ACTR5: variants seen among roughly 807,000 people sequenced by gnomAD.
ACTR5 encodes the protein actin related protein 5.
A neutral mutation model predicts 61.2 loss-of-function variants in ACTR5; 43 were observed. That is an observed-to-expected ratio of 0.70 (90% CI 0.55 to 0.91). ACTR5 has a LOEUF of 0.91. Ranked by LOEUF, ACTR5 falls within the 40% of genes least tolerant of loss-of-function variation. The pLI, the probability that ACTR5 is intolerant of heterozygous loss-of-function variation, is 0.00. For missense variants in ACTR5, 798 were observed against 782.2 expected (o/e 1.02, Z -0.24); for synonymous variants, 333 against 310.5 (o/e 1.07, Z -0.76).
At chr20:38,764,943 A>T (rs1418269275) in intron 5 of ACTR5, among the ~76,000 whole-genome samples, 1 of 152,250 alleles carries the variant, frequency 6.6e-6, no homozygotes, top group Non-Finnish European at 1.5e-5. Flanking sequence ...GTGCAGAGGG[A>T]TTACAGGCGT....
At chr20:38,756,820 C>T (rs1276432472) in intron 5 of ACTR5, among the ~76,000 whole-genome samples, 2 of 152,256 alleles carry the variant, frequency 1.3e-5, no homozygotes, top group Non-Finnish European at 2.9e-5. Flanking sequence ...AGGAGAATCA[C>T]TTGAACCTGG....
At chr20:38,756,396 C>T (rs1296533705) in intron 5 of ACTR5, among the ~76,000 whole-genome samples, 2 of 152,202 alleles carry the variant, frequency 1.3e-5, no homozygotes, top group Non-Finnish European at 1.5e-5. Flanking sequence ...TGATTGTTCA[C>T]TTACCTCCTT....
Position 38,766,255 on chromosome 20 carries a change from A to G in ACTR5, c.1311A>G (p.Ala437=), listed in dbSNP as rs1457837780. The G allele has an allele frequency of 1.2e-6, 2 of 1,612,014 alleles. No individual in the cohort carries two copies. The highest frequency in any genetic ancestry group is 2.2e-5 in the East Asian group (1 of 44,876). Residue 437 remains alanine, a synonymous_variant, in exon 7 of 9, where the codon GCA becomes GCG. Coordinates refer to ENST00000243903, the MANE Select transcript of ACTR5 (RefSeq NM_024855.4). The part of the protein sequence containing the change: ...VTTVQPVFNL[A]AYHQLFVGTE... ...TTTTAAAGCCCGTGTTTAACTTGGCAGCATATCATCAGCTATTTGTTGGGA... is the reference window on the plus strand; with the variant it reads ...TTTTAAAGCCCGTGTTTAACTTGGCGGCATATCATCAGCTATTTGTTGGGA...
chr20:38,767,259 G>A, intron 7 of ACTR5, among the ~76,000 whole-genome samples: 1 of 151,970 alleles, frequency 6.6e-6, no homozygotes, highest in East Asian at 1.9e-4. Context: ...TGACCATTCA[G>A]ATTACGGTTT....
chr20:38,763,425 G>A (rs1272214136), intron 5 of ACTR5, among the ~76,000 whole-genome samples: 1 of 152,124 alleles, frequency 6.6e-6, no homozygotes, highest in Non-Finnish European at 1.5e-5. Context: ...GTCCCTGCTG[G>A]GACAGAGGAG....
At chr20:38,755,806 G>T (rs112636336) in intron 4 of ACTR5, 51 bp from the exon 5 acceptor site, 5 of 1,607,888 alleles carry the variant, frequency 3.1e-6, no homozygotes, top group East Asian at 2.2e-5. Context: ...CGTTTTCTCC[G>T]TTTGGCTTTG....
At chr20:38,750,770 A>T (rs2084382928) in intron 2 of ACTR5, among the ~76,000 whole-genome samples, 1 of 152,050 alleles carries the variant, frequency 6.6e-6, no homozygotes. Flanking sequence ...CTGGGACCAC[A>T]GGCACCTGCC....
chr20:38,761,593 TCTGG>T (rs2084454946), intron 5 of ACTR5: 1 of 148,430 alleles, frequency 6.7e-6, no homozygotes, highest in East Asian at 2.0e-4. Context: ...ATTCGGCTGA[TCTGG>T]CTGGCTAAGC....
chr20:38,756,976 A>G (rs1422923658), intron 5 of ACTR5, among the ~76,000 whole-genome samples: 1 of 152,222 alleles, frequency 6.6e-6, no homozygotes, highest in Non-Finnish European at 1.5e-5. Context: ...CCCAGTTAGA[A>G]TGCAGTTACA....
rs942122360 is a variant in ACTR5 at position 38,749,000 on chromosome 20, A to G, written c.375+147A>G. The G allele has an allele frequency of 7.8e-6, 8 of 1,023,818 alleles. No individual in the cohort carries two copies. The Admixed American group carries it at 1.6e-4, about 21-fold the overall frequency. 63.4% of individuals were successfully genotyped at this position (1,023,818 alleles called of 1,614,324 possible). A position where few individuals can be genotyped will look rare whatever the true frequency, so the allele number is the denominator to read the frequency against. On this transcript the variant is annotated intron_variant, in intron 1 of 8. Transcript: ENST00000243903. ...ACCAGATGCTAGGCGCTGTGGGTGTAGCAGCGAATAAAATGCTGCTCCTTG... is the reference window on the plus strand; with the variant it reads ...ACCAGATGCTAGGCGCTGTGGGTGTGGCAGCGAATAAAATGCTGCTCCTTG...
At chr20:38,757,359 CAA>C (rs1417271456) in intron 5 of ACTR5, among the ~76,000 whole-genome samples, 7 of 152,166 alleles carry the variant, frequency 4.6e-5, no homozygotes, top group African/African-American at 1.4e-4. Context: ...AGAACTGAAA[CAA>C]AGAGTAAGTG....
intron 3 of ACTR5, among the ~76,000 whole-genome samples, chr20:38,752,827 C>T (rs1353871588): frequency 6.6e-6 from 1 of 152,172 alleles, no homozygotes; most frequent in African/African-American, 2.4e-5. Flanking sequence ...ACTGTGAATA[C>T]AACTCTATTC....
At chr20:38,756,323 A>G (rs1398473303) in intron 5 of ACTR5, among the ~76,000 whole-genome samples, 1 of 152,236 alleles carries the variant, frequency 6.6e-6, no homozygotes, top group Non-Finnish European at 1.5e-5. Flanking sequence ...CTCCACTGAT[A>G]GTCATTGGCA....
intron 1 of ACTR5, among the ~76,000 whole-genome samples, chr20:38,749,090 C>G (rs999745236): frequency 6.6e-6 from 1 of 152,154 alleles, no homozygotes; most frequent in Non-Finnish European, 1.5e-5. Flanking sequence ...TTAACAAATA[C>G]GTATTGAGCA....
Position 38,766,313 on chromosome 20 carries a change from C to T in ACTR5, c.1369C>T (p.Gln457Ter). 1 of 1,614,084 alleles carries T rather than the reference C, an allele frequency of 6.2e-7. No homozygotes were observed. Among genetic ancestry groups the T allele is most frequent in the Non-Finnish European group, 8.5e-7 (1 of 1,179,988 alleles). Residue 457 changes from glutamine to a stop codon, truncating the protein, a stop_gained, in exon 7 of 9, where the codon CAG becomes TAG. Transcript: ENST00000243903. LOFTEE classifies it high-confidence loss of function. The part of the protein sequence containing the change: ...ERIRAPEIIF[Q>*]PSLIGEEQAG... ...AATTCGAGCTCCAGAGATTATTTTC[C>T]AGCCATCTCTCATAGGAGAAGAACA...
In ACTR5 at chr20:38,752,226, T is replaced by A. The variant is rs1338202791; in HGVS notation, c.701T>A (p.Leu234Gln). 1 of 1,614,172 alleles carries A rather than the reference T, an allele frequency of 6.2e-7. No homozygotes were observed. ...RLLQLKYPGH[L>Q]AAITLSRMEE... ...CTCCAGCTGAAGTACCCTGGGCACC[T>A]GGCAGCCATCACCCTCAGCCGCATG... The change falls in exon 3 of 9, where the codon CTG becomes CAG. Residue 234 changes from leucine to glutamine, a missense_variant. Leu to Gln is a moderately radical substitution (Grantham distance 113, BLOSUM62 -2). Transcript: ENST00000243903.
In ACTR5 at chr20:38,752,185, T is replaced by C; in HGVS notation, c.660T>C (p.Gly220=). ...RINLGGSQAA[G]YLQRLLQLKY... ...ATCTTGGAGGAAGCCAAGCAGCTGG[T>C]TACCTCCAGCGTCTCCTCCAGCTGA... is the stretch of plus-strand genomic sequence containing the variant. Residue 220 remains glycine, a synonymous_variant, in exon 3 of 9, where the codon GGT becomes GGC. Coordinates refer to ENST00000243903, the MANE Select transcript of ACTR5 (RefSeq NM_024855.4). The C allele has an allele frequency of 1.2e-6, 2 of 1,614,068 alleles. No homozygotes were observed. The highest frequency in any genetic ancestry group is 1.7e-6 in the Non-Finnish European group (2 of 1,179,924).
chr20:38,767,364 G>T, intron 7 of ACTR5, 100 bp from the exon 8 acceptor site: 17 of 984,348 alleles, frequency 1.7e-5, no homozygotes, highest in South Asian at 3.1e-5. Context: ...TTTTTGTGTA[G>T]AAGTTTTTCT....
In ACTR5 at chr20:38,755,184, G is replaced by C. The variant is rs371726552; in HGVS notation, c.993+10G>C. 2 of 1,580,264 alleles carry C rather than the reference G, an allele frequency of 1.3e-6. No individual in the cohort carries two copies. The highest frequency in any genetic ancestry group is 1.7e-6 in the Non-Finnish European group (2 of 1,163,614). On this transcript the variant is annotated intron_variant, in intron 4 of 8. Coordinates refer to ENST00000243903, the MANE Select transcript of ACTR5 (RefSeq NM_024855.4). Reference sequence around the variant, plus strand: ...ACTGCTATATGTGCAGGTAATAGCAGACACAGGGACGGGCGCCCTTCCGTG... The same window carrying C: ...ACTGCTATATGTGCAGGTAATAGCACACACAGGGACGGGCGCCCTTCCGTG...
Sources: allele counts gnomAD v4.1 joint callset (sites outside exome capture counted in the v4.1 genomes callset), GRCh38; gene constraint gnomAD v4.1.1; transcripts MANE v1.5; gene names NCBI Gene and HGNC (gene_info 2026-07-23, HGNC 2026-07-21).